Variants in SGIP1 observed in about 807,000 individuals in gnomAD.
SGIP1 encodes the protein SH3GL interacting endocytic adaptor 1.
SGIP1 carries 38 observed loss-of-function variants against 107.5 expected under a neutral mutation model. That is an observed-to-expected ratio of 0.35 (90% CI 0.27 to 0.46). SGIP1 has a LOEUF of 0.46. SGIP1 is among the 20% of genes least tolerant of loss of function. The pLI is 1.00. For synonymous variants in SGIP1, 365 were observed against 366.1 expected (o/e 1.00, Z 0.03); for missense variants, 929 against 1,019.5 (o/e 0.91, Z 1.21).
intron 19 of SGIP1, among the ~76,000 whole-genome samples, chr1:66,728,154 TA>T (rs2093844994): frequency 6.6e-6 from 1 of 152,230 alleles, no homozygotes; most frequent in Admixed American, 6.5e-5. Flanking sequence ...AATGAAGAAC[TA>T]GTTAAGTGCA....
intron 1 of SGIP1, among the ~76,000 whole-genome samples, chr1:66,588,638 C>CTTTTTTTTTTTTT (rs35096597): frequency 3.0e-5 from 3 of 98,682 alleles, no homozygotes; most frequent in Middle Eastern, 6.2e-3. Flanking sequence ...CTAGTTAGTT[C>CTTTTTTTTTTTTT]TTTTTTTTTT....
chr1:66,636,775 T>C (rs192200264), intron 4 of SGIP1, among the ~76,000 whole-genome samples: 19 of 152,302 alleles, frequency 1.2e-4, no homozygotes, highest in Non-Finnish European at 2.5e-4. Context: ...CAAGGATCAT[T>C]ACCTGGCCAT....
At chr1:66,738,639 C>A (rs981924321) in intron 21 of SGIP1, among the ~76,000 whole-genome samples, 10 of 152,176 alleles carry the variant, frequency 6.6e-5, no homozygotes, top group Admixed American at 6.5e-4. Context: ...GTAGCACTTC[C>A]AGCTAAAGGA....
chr1:66,729,380 G>A lies in SGIP1; in HGVS notation c.1859G>A (p.Arg620Lys). ...ACTTTTCGGGTGATAAATTTCAGCA[G>A]GTTAGAACACGTCCTGCCAAACCCC... The part of the protein sequence containing the change: ...ALTFRVINFS[R>K]LEHVLPNPQL... The change falls in exon 20 of 25, where the codon AGG becomes AAG. Residue 620 changes from arginine (R) to lysine (K), a missense_variant. Arg to Lys is a conservative substitution (Grantham distance 26, BLOSUM62 2). Around this residue, in one of 2 missense-constraint regions of SGIP1, gnomAD observed 341 missense variants for 430.9 expected, o/e 0.79. Coordinates refer to ENST00000371037, the MANE Select transcript of SGIP1 (RefSeq NM_032291.4). The A allele has an allele frequency of 6.2e-7, 1 of 1,614,024 alleles. No individual in the cohort carries two copies. The highest frequency in any genetic ancestry group is 8.5e-7 in the Non-Finnish European group (1 of 1,179,972).
intron 1 of SGIP1, chr1:66,590,696 G>A (rs41309179): frequency 0.065 from 9,965 of 152,246 alleles, 352 homozygotes; most frequent in East Asian, 0.091. Context: ...AAGACATAGA[G>A]GAATCTTAAG....
intron 1 of SGIP1, among the ~76,000 whole-genome samples, chr1:66,572,712 T>C (rs1483389850): frequency 6.6e-6 from 1 of 152,106 alleles, no homozygotes; most frequent in Admixed American, 6.6e-5. Flanking sequence ...CCCACAAGAC[T>C]GAATATGCAG....
intron 1 of SGIP1, among the ~76,000 whole-genome samples, chr1:66,547,710 T>G (rs1439602594): frequency 6.6e-6 from 1 of 152,142 alleles, no homozygotes; most frequent in Non-Finnish European, 1.5e-5. Context: ...GAGCCTGAGT[T>G]CAAGTATGAG....
At chr1:66,636,122 TA>T (rs2075735687) in intron 4 of SGIP1, 107 bp downstream of exon 4, 1 of 1,001,146 alleles carries the variant, frequency 1.0e-6, no homozygotes, top group Non-Finnish European at 1.5e-6. Flanking sequence ...TTACTCCATT[TA>T]AGAAAACTCT....
intron 17 of SGIP1, among the ~76,000 whole-genome samples, chr1:66,692,331 C>T (rs17129332): frequency 6.6e-6 from 1 of 152,024 alleles, no homozygotes; most frequent in African/African-American, 2.4e-5. Context: ...AAAAAAATAG[C>T]CACATAAGAG....
intron 8 of SGIP1, among the ~76,000 whole-genome samples, chr1:66,663,134 A>T (rs1052147064): frequency 3.9e-5 from 6 of 151,940 alleles, no homozygotes; most frequent in African/African-American, 1.5e-4. Context: ...CCACATTCTC[A>T]CGTGGCGCAC....
At chr1:66,717,649 C>T (rs970675138) in intron 18 of SGIP1, among the ~76,000 whole-genome samples, 1 of 152,132 alleles carries the variant, frequency 6.6e-6, no homozygotes, top group Admixed American at 6.6e-5. Flanking sequence ...AAAATAATAA[C>T]GTCCTCAGAG....
At chr1:66,687,655 A>T (rs1354130894) in intron 15 of SGIP1, among the ~76,000 whole-genome samples, 1 of 152,192 alleles carries the variant, frequency 6.6e-6, no homozygotes, top group African/African-American at 2.4e-5. Context: ...ACCTGAGACA[A>T]GTTACTGAAT....
chr1:66,734,215 A>G (rs1422285451), intron 21 of SGIP1, among the ~76,000 whole-genome samples: 1 of 152,166 alleles, frequency 6.6e-6, no homozygotes, highest in Admixed American at 6.5e-5. Context: ...TAAGAACATT[A>G]CTATACTAAA....
In SGIP1 at chr1:66,534,383, G is replaced by C; in HGVS notation, c.10+15G>C. 6.2e-7 allele frequency: 1 copy of C among 1,614,118 alleles called. No homozygotes were observed. The highest frequency in any genetic ancestry group is 8.5e-7 in the Non-Finnish European group (1 of 1,179,954). ...CATGATGGAAGGTAGGATGCTTTCT[G>C]CTATGGTTGACTGGCTTCAGGCAAG... On this transcript the variant is annotated intron_variant, in intron 1 of 24. Coordinates refer to ENST00000371037, the MANE Select transcript of SGIP1 (RefSeq NM_032291.4).
At chr1:66,539,933 C>T (rs886912998) in intron 1 of SGIP1, among the ~76,000 whole-genome samples, 8 of 152,130 alleles carry the variant, frequency 5.3e-5, no homozygotes, top group African/African-American at 1.7e-4. Flanking sequence ...GTAAGCTCCA[C>T]GAAGGCAGAA....
intron 18 of SGIP1, among the ~76,000 whole-genome samples, chr1:66,711,327 CA>C (rs1368997159): frequency 6.6e-6 from 1 of 152,112 alleles, no homozygotes; most frequent in Non-Finnish European, 1.5e-5. Flanking sequence ...CTTCATTATA[CA>C]ACATGATGAA....
At chr1:66,643,192 C>T (rs2077084736) in intron 6 of SGIP1, among the ~76,000 whole-genome samples, 1 of 144,206 alleles carries the variant, frequency 6.9e-6, no homozygotes, top group Admixed American at 7.0e-5. Context: ...GCATGTCACA[C>T]TGATGCATTT....
intron 17 of SGIP1, chr1:66,695,054 A>T (rs1210038813): frequency 2.7e-6 from 1 of 366,108 alleles, no homozygotes; most frequent in East Asian, 4.4e-5. Flanking sequence ...ATAGAAGGGG[A>T]TGACATTGAA....
intron 1 of SGIP1, among the ~76,000 whole-genome samples, chr1:66,558,027 A>G (rs1436980977): frequency 6.6e-6 from 1 of 152,246 alleles, no homozygotes; most frequent in East Asian, 1.9e-4. Context: ...ACTTGCTTCC[A>G]GGAAACTATC....
Sources: gnomAD v4.1 joint callset for allele counts (sites outside exome capture counted in the v4.1 genomes callset) on GRCh38, gnomAD v4.1.1 for gene constraint, gnomAD v4.1.1 regional missense constraint, MANE v1.5 for transcripts, NCBI Gene and HGNC (gene_info 2026-07-23, HGNC 2026-07-21) for gene names.